Variants in MEIOSIN observed in about 807,000 individuals in gnomAD.
The protein encoded by MEIOSIN is meiosis initiator protein.
MEIOSIN carries 18 observed loss-of-function variants against 23.4 expected under a neutral mutation model. That is an observed-to-expected ratio of 0.77 (90% CI 0.53 to 1.14). MEIOSIN has a LOEUF of 1.14. Among genes scored for constraint, MEIOSIN ranks in the 50% most tolerant of loss-of-function variants. MEIOSIN has a pLI of 0.00. For synonymous variants in MEIOSIN, 187 were observed against 100.6 expected (o/e 1.86, Z -5.14); for missense variants, 428 against 242.9 (o/e 1.76, Z -5.07).
At chr19:45,751,568 T>C (rs531150878) in intron 5 of MEIOSIN, among the ~76,000 whole-genome samples, 1 of 152,020 alleles carries the variant, frequency 6.6e-6, no homozygotes, top group Non-Finnish European at 1.5e-5. Flanking sequence ...GGAGTATCAC[T>C]CTGTCACCCA....
chr19:45,753,575 T>A lies in MEIOSIN; in HGVS notation c.419-76T>A, dbSNP rs910945129. 4 of 637,558 alleles carry A rather than the reference T, an allele frequency of 6.3e-6. No homozygotes were observed. The South Asian group carries it at 7.0e-5, about 11-fold the overall frequency. 39.5% of individuals were successfully genotyped at this position (637,558 alleles called of 1,614,324 possible). A position where few individuals can be genotyped will look rare whatever the true frequency, so the allele number is the denominator to read the frequency against. The stretch of plus-strand genomic sequence containing the variant: ...ACCCTGACCCGGGACTGAGGAGCAT[T>A]GTCTGGAAGGCAGGAACTGCAGTTG... On this transcript the variant is annotated intron_variant, in intron 5 of 14. Transcript: ENST00000457052.
chr19:45,737,837 G>A (rs775922317), intron 2 of MEIOSIN, among the ~76,000 whole-genome samples: 10 of 151,326 alleles, frequency 6.6e-5, no homozygotes, highest in Non-Finnish European at 1.5e-4. Context: ...CAGGAGAATC[G>A]CTTGAACCCA....
intron 4 of MEIOSIN, among the ~76,000 whole-genome samples, chr19:45,748,940 A>G (rs1288073346): frequency 2.0e-5 from 3 of 151,930 alleles, no homozygotes; most frequent in Non-Finnish European, 4.4e-5. Flanking sequence ...GTGGTGGCAC[A>G]TTCCTGTAGC....
At chr19:45,755,533 A>G (rs2146194192) in intron 7 of MEIOSIN, among the ~76,000 whole-genome samples, 1 of 151,984 alleles carries the variant, frequency 6.6e-6, no homozygotes, top group Admixed American at 6.6e-5. Flanking sequence ...GGCTACTGCA[A>G]CCTCTACCTC....
chr19:45,738,911 G>C (rs971270489), intron 2 of MEIOSIN, among the ~76,000 whole-genome samples: 1 of 152,158 alleles, frequency 6.6e-6, no homozygotes, highest in South Asian at 2.1e-4. Context: ...TCTAGATGTG[G>C]GGGTCCTTGT....
At chr19:45,759,650 C>G (rs959369324) in intron 11 of MEIOSIN, among the ~76,000 whole-genome samples, 160 bp downstream of exon 11, 1 of 152,114 alleles carries the variant, frequency 6.6e-6, no homozygotes, top group Non-Finnish European at 1.5e-5. Flanking sequence ...AACCGCCCCC[C>G]GACCCTCTCT....
Position 45,758,947 on chromosome 19 carries a change from T to C in MEIOSIN, c.1082T>C (p.Leu361Pro), listed in dbSNP as rs1475216967. 1.4e-6 allele frequency: 1 copy of C among 703,002 alleles called. No individual in the cohort carries two copies. Among genetic ancestry groups the C allele is most frequent in the Admixed American group, 2.0e-5 (1 of 50,008 alleles). The allele number at this position is 703,002 out of a possible 1,614,324, so 43.5% of individuals were successfully genotyped here. ...WSGTGHPSEI[L>P]GLSPSLFSSP... ...GGAACAGGCCACCCAAGTGAGATCC[T>C]CGGGCTCAGCCCTAGCCTTTTCAGC... is the stretch of plus-strand genomic sequence containing the variant. Residue 361 changes from leucine (L) to proline (P), a missense_variant, in exon 10 of 15, where the codon CTC (leucine) becomes CCC (proline). Leu to Pro is a moderately conservative substitution (Grantham distance 98). Transcript: ENST00000457052.
intron 3 of MEIOSIN, among the ~76,000 whole-genome samples, chr19:45,744,700 C>T (rs1483163772): frequency 6.7e-6 from 1 of 150,364 alleles, no homozygotes; most frequent in Non-Finnish European, 1.5e-5. Context: ...TTCCACCTCC[C>T]GGGTTCAAGG....
Position 45,750,677 on chromosome 19 carries a change from G to A in MEIOSIN, c.309G>A (p.Lys103=), listed in dbSNP as rs1968686886. Residue 103 remains lysine, a splice_region_variant and synonymous_variant, in exon 5 of 15, where the codon AAG becomes AAA. Transcript: ENST00000457052. ...LKTGTKKLTK[K]EILVHVLQYI... ...ACCCTGTCTTTCTTTTGAGGCAGAA[G>A]GAGATTCTGGTGCATGTCCTGCAGT... is the stretch of plus-strand genomic sequence containing the variant. 2 of 571,228 alleles carry A rather than the reference G, an allele frequency of 3.5e-6. No homozygotes were observed. The highest frequency in any genetic ancestry group is 6.2e-6 in the Non-Finnish European group (2 of 323,754). 35.4% of individuals were successfully genotyped at this position (571,228 alleles called of 1,614,324 possible). A position where few individuals can be genotyped will look rare whatever the true frequency, so the allele number is the denominator to read the frequency against.
At chr19:45,760,931 A>G (rs1312425259) in intron 11 of MEIOSIN, among the ~76,000 whole-genome samples, 2 of 137,148 alleles carry the variant, frequency 1.5e-5, no homozygotes, top group East Asian at 2.1e-4. Context: ...TCTCAAAAAA[A>G]AAAAAAAGAA....
chr19:45,738,316 G>GA (rs1968442590), intron 2 of MEIOSIN, among the ~76,000 whole-genome samples: 1 of 152,164 alleles, frequency 6.6e-6, no homozygotes. Flanking sequence ...ATCATAAACT[G>GA]AAAATATTGT....
In MEIOSIN at chr19:45,764,527, CTT is replaced by C. The variant is rs1220486441; in HGVS notation, c.*411_*412del. 1 of 158,074 alleles carries C rather than the reference CTT, an allele frequency of 6.3e-6. No individual in the cohort carries two copies. Among genetic ancestry groups the C allele is most frequent in the Non-Finnish European group, 1.4e-5 (1 of 72,236 alleles). 9.8% of individuals were successfully genotyped at this position (158,074 alleles called of 1,614,324 possible). ...TTAAATAAAATAAAGCAAGTGGAAC[CTT>C]TGTTACCAGCAAGAGAGACAAGGGC... On this transcript the variant is annotated 3_prime_UTR_variant, in exon 15 of 15. Coordinates refer to ENST00000457052, the MANE Select transcript of MEIOSIN (RefSeq NM_001310124.2).
intron 2 of MEIOSIN, among the ~76,000 whole-genome samples, chr19:45,737,267 C>T (rs1019874181): frequency 6.6e-6 from 1 of 151,646 alleles, no homozygotes; most frequent in African/African-American, 2.4e-5. Context: ...GCAGCCTCGA[C>T]CTTCTGGGCT....
chr19:45,760,655 G>T (rs370851813), intron 11 of MEIOSIN, among the ~76,000 whole-genome samples: 1 of 152,062 alleles, frequency 6.6e-6, no homozygotes, highest in African/African-American at 2.4e-5. Flanking sequence ...GTGGCCGGGC[G>T]TGGTGGCTCA....
At position 45,748,048 on chromosome 19, in the gene MEIOSIN, C is replaced by T. The variant is rs545991377; in HGVS notation, c.307-2627C>T. Among the ~76,000 whole-genome samples the T allele has an allele frequency of 4.0e-5, 6 of 151,084 alleles. No individual in the cohort carries two copies. The South Asian group carries it at 1.3e-3, about 32-fold the overall frequency. On this transcript the variant is annotated intron_variant, in intron 4 of 14. Transcript: ENST00000457052. ...GCAATGAGTCGAGATCATACCACTG[C>T]ACTCCAGCCTGAGCAACAGAGTAAG... is the stretch of plus-strand genomic sequence containing the variant.
Position 45,750,648 on chromosome 19 carries a change from G to T in MEIOSIN, c.307-27G>T, listed in dbSNP as rs1228852724. On this transcript the variant is annotated intron_variant, in intron 4 of 14. Transcript: ENST00000457052. Reference sequence around the variant, plus strand: ...TGCTGTGATTACAGGCGTGAGCCTGGCCAACCCTGTCTTTCTTTTGAGGCA... The same window carrying T: ...TGCTGTGATTACAGGCGTGAGCCTGTCCAACCCTGTCTTTCTTTTGAGGCA... The T allele has an allele frequency of 7.5e-6, 4 of 530,536 alleles. 1 individual carries two copies. Among genetic ancestry groups the T allele is most frequent in the South Asian group, 5.1e-5 (2 of 39,036 alleles). The allele number at this position is 530,536 out of a possible 1,614,324, so 32.9% of individuals were successfully genotyped here.
intron 2 of MEIOSIN, 134 bp from the exon 3 acceptor site, chr19:45,739,492 G>A: frequency 1.6e-6 from 1 of 630,676 alleles, no homozygotes; most frequent in Non-Finnish European, 2.9e-6. Flanking sequence ...GTTCCCAGCA[G>A]TTCCAGGTCT....
intron 4 of MEIOSIN, among the ~76,000 whole-genome samples, chr19:45,748,470 A>G (rs1239625556): frequency 6.6e-6 from 1 of 152,108 alleles, no homozygotes; most frequent in Non-Finnish European, 1.5e-5. Flanking sequence ...GGTTCAATAG[A>G]TGTTTGTTGA....
chr19:45,760,143 G>A (rs1230401266), intron 11 of MEIOSIN, among the ~76,000 whole-genome samples: 1 of 151,912 alleles, frequency 6.6e-6, no homozygotes, highest in Non-Finnish European at 1.5e-5. Flanking sequence ...AGGGTCTCCT[G>A]TGGCCCCATT....
Sources: gnomAD v4.1 joint callset for allele counts (sites outside exome capture counted in the v4.1 genomes callset) on GRCh38, gnomAD v4.1.1 for gene constraint, MANE v1.5 for transcripts, NCBI Gene and HGNC (gene_info 2026-07-23, HGNC 2026-07-21) for gene names.